Variants in WDR1 observed in about 807,000 individuals in gnomAD.
The protein encoded by WDR1 is WD repeat-containing protein 1.
WDR1 carries 21 observed loss-of-function variants against 71.9 expected under a neutral mutation model. That is an observed-to-expected ratio of 0.29 (90% CI 0.21 to 0.42). The LOEUF is 0.42. Ranked by LOEUF, WDR1 falls within the 10% of genes least tolerant of loss-of-function variation. The pLI is 1.00. For synonymous variants in WDR1, 424 were observed against 347.4 expected (o/e 1.22, Z -2.45); for missense variants, 696 against 824.5 (o/e 0.84, Z 1.91).
rs187070681 is a variant in WDR1, at chr4:10,099,959, C to T, written c.230-820G>A. Among the ~76,000 whole-genome samples the T allele has an allele frequency of 1.4e-3, 218 of 152,326 alleles. 1 individual carries two copies. Among genetic ancestry groups the T allele is most frequent in the Non-Finnish European group, 2.9e-3 (194 of 68,032 alleles). ...GCCACGTACCCCCAATCCCCCACCA[C>T]GATCCTGTCACCAAGTACCAAGTCC... On this transcript the variant is annotated intron_variant, in intron 3 of 14. Coordinates refer to ENST00000499869, the MANE Select transcript of WDR1 (RefSeq NM_017491.5).
At chr4:10,099,928 C>G (rs550798117) in intron 3 of WDR1, among the ~76,000 whole-genome samples, 15 of 152,314 alleles carry the variant, frequency 9.8e-5, no homozygotes, top group Admixed American at 2.0e-4. Flanking sequence ...AGAAGCAACA[C>G]CGGGGGCCAC....
intron 13 of WDR1, 21 bp downstream of exon 13, chr4:10,077,732 G>T (rs552859509): frequency 6.4e-7 from 1 of 1,552,004 alleles, no homozygotes; most frequent in South Asian, 1.2e-5. Flanking sequence ...GGGGACAGAG[G>T]AGGAGCCCGC....
chr4:10,116,358 C>G, intron 1 of WDR1, 124 bp from the exon 2 acceptor site: 2 of 1,404,608 alleles, frequency 1.4e-6, no homozygotes, highest in Middle Eastern at 2.5e-4. Flanking sequence ...AGGGCGGCCT[C>G]CACTTTCCAC....
chr4:10,091,632 T>G (rs781347395), intron 5 of WDR1: 13 of 152,202 alleles, frequency 8.5e-5, no homozygotes, highest in Non-Finnish European at 1.6e-4. Context: ...CAGCCCAGAG[T>G]CATCCCAGAG....
In WDR1 at chr4:10,074,745, A is replaced by AT. The variant is rs1291294580; in HGVS notation, c.*632dup. 5 of 147,498 alleles carry AT rather than the reference A, an allele frequency of 3.4e-5. No homozygotes were observed. The highest frequency in any genetic ancestry group is 4.6e-5 in the Non-Finnish European group (3 of 64,600). The allele number at this position is 147,498 out of a possible 1,614,324, so 9.1% of individuals were successfully genotyped here. A position where few individuals can be genotyped will look rare whatever the true frequency, so the allele number is the denominator to read the frequency against. ...CACTGACAGGCAACAGTTAAGATAC[A>AT]TTAAAAAAAAAGGAAAGATACCCAC... On this transcript the variant is annotated 3_prime_UTR_variant, in exon 15 of 15. Transcript: ENST00000499869.
At chr4:10,082,984 G>C in intron 10 of WDR1, 38 bp downstream of exon 10, 1 of 1,582,880 alleles carries the variant, frequency 6.3e-7, no homozygotes, top group Non-Finnish European at 8.6e-7. Context: ...GGGGAGCTGA[G>C]GCTCATCCGG....
rs559428993 is a variant in WDR1 at position 10,077,528 on chromosome 4, T to C, written c.1570-80A>G. 4.7e-4 allele frequency: 743 copies of C among 1,594,014 alleles called. 2 individuals carry two copies. Among genetic ancestry groups the C allele is most frequent in the African/African-American group, 2.8e-3 (212 of 74,668 alleles). ...CCCATATCACCTCGCTTATCCCTCA[T>C]GGCGACAATAAGGACCGAGGTTTCT... is the stretch of plus-strand genomic sequence containing the variant. On this transcript the variant is annotated intron_variant, in intron 13 of 14. Transcript: ENST00000499869.
At chr4:10,075,945 T>A (rs1273187813) in intron 14 of WDR1, 1 of 170,614 alleles carries the variant, frequency 5.9e-6, no homozygotes, top group East Asian at 1.6e-4. Flanking sequence ...GACTTTCCCC[T>A]CTGTGACAGT....
chr4:10,090,121 CG>C (rs1357719614), intron 5 of WDR1, among the ~76,000 whole-genome samples: 1 of 152,158 alleles, frequency 6.6e-6, no homozygotes, highest in Non-Finnish European at 1.5e-5. Context: ...AGGAAGGACT[CG>C]GAGTGCGTCC....
Position 10,075,219 on chromosome 4 carries a change from A to G in WDR1, c.*159T>C. ...CTAAAGCTTTCAGAAGAACGTGTAC[A>G]GACACCCTGCAGAGACGAGGGTCAT... On this transcript the variant is annotated 3_prime_UTR_variant, in exon 15 of 15. Transcript: ENST00000499869. 1 of 628,698 alleles carries G rather than the reference A, an allele frequency of 1.6e-6. No homozygotes were observed. 38.9% of individuals were successfully genotyped at this position (628,698 alleles called of 1,614,324 possible). A position where few individuals can be genotyped will look rare whatever the true frequency, so the allele number is the denominator to read the frequency against.
At chr4:10,097,978 C>T in intron 4 of WDR1, 87 bp from the exon 5 acceptor site, 3 of 1,346,614 alleles carry the variant, frequency 2.2e-6, no homozygotes, top group Middle Eastern at 2.1e-4. Flanking sequence ...AGCTGAGCTG[C>T]CAGTGCACAG....
At chr4:10,099,954 C>G (rs539166990) in intron 3 of WDR1, among the ~76,000 whole-genome samples, 41 of 152,226 alleles carry the variant, frequency 2.7e-4, no homozygotes, top group Admixed American at 7.8e-4. Context: ...CCCAATCCCC[C>G]ACCACGATCC....
rs1308073487 is a variant in WDR1, at chr4:10,108,681, G to A, written c.139-4695C>T. Among the ~76,000 whole-genome samples the A allele has an allele frequency of 2.6e-5, 4 of 152,334 alleles. No individual in the cohort carries two copies. The East Asian group carries it at 7.7e-4, about 29-fold the overall frequency. On this transcript the variant is annotated intron_variant, in intron 2 of 14. Transcript: ENST00000499869. ...TATGTTCACTGGTGACTACAACTAA[G>A]GCCAAGGCTGAATGACAGCAAAAAA...
At chr4:10,099,636 C>G (rs1333253454) in intron 3 of WDR1, among the ~76,000 whole-genome samples, 4 of 152,290 alleles carry the variant, frequency 2.6e-5, no homozygotes, top group Non-Finnish European at 5.9e-5. Context: ...AGGTGCACAG[C>G]TGTGAGGGTG....
intron 11 of WDR1, among the ~76,000 whole-genome samples, 162 bp downstream of exon 11, chr4:10,081,195 T>C (rs1032899971): frequency 1.2e-4 from 18 of 152,248 alleles, no homozygotes; most frequent in African/African-American, 3.1e-4. Flanking sequence ...ACTGATGTGA[T>C]GGTGGTGAGG....
intron 5 of WDR1, among the ~76,000 whole-genome samples, chr4:10,097,394 T>C (rs3822238): frequency 1.3e-5 from 2 of 152,196 alleles, no homozygotes; most frequent in South Asian, 2.1e-4. Context: ...CCCTCTCTAA[T>C]GAGCACCTCC....
chr4:10,110,052 G>C (rs1019671335), intron 2 of WDR1, among the ~76,000 whole-genome samples: 2 of 147,060 alleles, frequency 1.4e-5, no homozygotes, highest in African/African-American at 4.9e-5. Context: ...ACTCAACAAA[G>C]AACAGAGAGG....
chr4:10,080,999 C>G (rs1330816985), intron 11 of WDR1, among the ~76,000 whole-genome samples: 1 of 152,206 alleles, frequency 6.6e-6, no homozygotes, highest in Non-Finnish European at 1.5e-5. Context: ...TACAATGCAG[C>G]AGGGCTGGGA....
At chr4:10,099,828 T>C (rs546963250) in intron 3 of WDR1, among the ~76,000 whole-genome samples, 65 of 152,280 alleles carry the variant, frequency 4.3e-4, no homozygotes, top group Admixed American at 8.5e-4. Context: ...TCTGTGAGAG[T>C]AGCAGGTGGG....
Sources: allele counts gnomAD v4.1 joint callset (sites outside exome capture counted in the v4.1 genomes callset), GRCh38; gene constraint gnomAD v4.1.1; transcripts MANE v1.5; gene names NCBI Gene and HGNC (gene_info 2026-07-23, HGNC 2026-07-21).